Variants in MYCBP2 observed in about 807,000 individuals in gnomAD.
The protein encoded by MYCBP2 is MYC binding protein 2.
MYCBP2 carries 120 observed loss-of-function variants against 525.3 expected under a neutral mutation model. The observed-to-expected ratio is 0.23, with a 90% confidence interval of 0.20 to 0.27. The LOEUF is 0.27. Ranked by LOEUF, MYCBP2 falls within the 10% of genes least tolerant of loss-of-function variation. The pLI is 1.00. For synonymous variants in MYCBP2, 1,894 were observed against 1,955.8 expected, an observed-to-expected ratio of 0.97 and a Z score of 0.83; for missense variants, 4,149 against 5,657.1, an observed-to-expected ratio of 0.73 and a Z score of 8.55.
At chr13:77,199,617 A>G (rs2062213812) in intron 26 of MYCBP2, among the ~76,000 whole-genome samples, 1 of 152,232 alleles carries the variant, frequency 6.6e-6, no homozygotes, top group Non-Finnish European at 1.5e-5. Flanking sequence ...AGACAGCAGT[A>G]ACCTCTGCAG....
At chr13:77,221,797 T>G (rs1238521708) in intron 20 of MYCBP2, among the ~76,000 whole-genome samples, 2 of 152,168 alleles carry the variant, frequency 1.3e-5, no homozygotes, top group Non-Finnish European at 2.9e-5. Context: ...ACACAGGTTA[T>G]AGTCATCCCT....
chr13:77,219,993 G>A (rs2065323816), intron 20 of MYCBP2, among the ~76,000 whole-genome samples: 2 of 152,114 alleles, frequency 1.3e-5, no homozygotes, highest in East Asian at 3.8e-4. Flanking sequence ...TACACAACAG[G>A]AGGATTAATG....
chr13:77,141,357 T>G (rs1480020582), intron 49 of MYCBP2, among the ~76,000 whole-genome samples: 1 of 152,228 alleles, frequency 6.6e-6, no homozygotes, highest in Non-Finnish European at 1.5e-5. Flanking sequence ...TAGACTGCTT[T>G]GGTTACTCCA....
chr13:77,120,590 C>G (rs972340083), intron 55 of MYCBP2, among the ~76,000 whole-genome samples: 2 of 152,190 alleles, frequency 1.3e-5, no homozygotes, highest in African/African-American at 4.8e-5. Flanking sequence ...TTACTCATGA[C>G]CCAGCTGTAT....
intron 54 of MYCBP2, among the ~76,000 whole-genome samples, chr13:77,124,989 T>G (rs1466833681): frequency 2.6e-5 from 4 of 152,210 alleles, no homozygotes; most frequent in Non-Finnish European, 5.9e-5. Flanking sequence ...GATTGGTAGT[T>G]GGAATACCGA....
At chr13:77,152,981 A>C (rs2056707776) in intron 46 of MYCBP2, among the ~76,000 whole-genome samples, 1 of 145,302 alleles carries the variant, frequency 6.9e-6, no homozygotes, top group South Asian at 2.2e-4. Context: ...AGGAGAATGG[A>C]GTGAACCCAG....
At chr13:77,062,776 G>T in intron 73 of MYCBP2, 79 bp from the exon 74 acceptor site, 1 of 1,095,184 alleles carries the variant, frequency 9.1e-7, no homozygotes, top group Non-Finnish European at 1.4e-6. Flanking sequence ...CATCACAACA[G>T]CTCAATAAAT....
At chr13:77,243,666 C>A in intron 16 of MYCBP2, 140 bp downstream of exon 16, 1 of 649,548 alleles carries the variant, frequency 1.5e-6, no homozygotes, top group Non-Finnish European at 2.4e-6. Context: ...GTCATATTGT[C>A]AGTTACCGTA....
At chr13:77,138,775 C>T (rs186573902) in intron 52 of MYCBP2, among the ~76,000 whole-genome samples, 1 of 152,252 alleles carries the variant, frequency 6.6e-6, no homozygotes, top group East Asian at 1.9e-4. Flanking sequence ...ACAGAACACA[C>T]AGAACTATCT....
chr13:77,220,938 A>G (rs1389656586), intron 20 of MYCBP2, among the ~76,000 whole-genome samples: 1 of 152,186 alleles, frequency 6.6e-6, no homozygotes, highest in African/African-American at 2.4e-5. Flanking sequence ...TCTTTCAGTT[A>G]CCACTCAATG....
intron 19 of MYCBP2, among the ~76,000 whole-genome samples, 160 bp from the exon 20 acceptor site, chr13:77,224,692 T>C (rs2066017226): frequency 6.6e-6 from 1 of 152,204 alleles, no homozygotes; most frequent in Non-Finnish European, 1.5e-5. Context: ...AAATTAATTT[T>C]AGTTCTGAAA....
At position 77,168,416 on chromosome 13, in the gene MYCBP2, A is replaced by G; in HGVS notation, c.6114+12T>C. On this transcript the variant is annotated intron_variant, in intron 40 of 82. Coordinates refer to ENST00000544440, the MANE Select transcript of MYCBP2 (RefSeq NM_015057.5). ...GTTTTACATTCGAATCACACTAAGA[A>G]CCGGTGCCTACCTTGTAATGCATCA... is the stretch of plus-strand genomic sequence containing the variant. 6.2e-7 allele frequency: 1 copy of G among 1,611,420 alleles called. No homozygotes were observed.
intron 3 of MYCBP2, among the ~76,000 whole-genome samples, chr13:77,283,862 C>T (rs2076455701): frequency 6.6e-6 from 1 of 152,154 alleles, no homozygotes; most frequent in Admixed American, 6.5e-5. Context: ...CACGCCACTG[C>T]ACTCCAGCCC....
intron 1 of MYCBP2, among the ~76,000 whole-genome samples, chr13:77,307,791 C>T (rs1180402576): frequency 6.6e-6 from 1 of 152,062 alleles, no homozygotes; most frequent in Non-Finnish European, 1.5e-5. Flanking sequence ...CTCCTACATA[C>T]GATAACTACC....
At chr13:77,088,772 T>C (rs1294050785) in intron 61 of MYCBP2, 60 bp downstream of exon 61, 4 of 1,437,296 alleles carry the variant, frequency 2.8e-6, no homozygotes, top group Non-Finnish European at 3.8e-6. Flanking sequence ...CATCGTGAAA[T>C]AGAATCATCA....
At chr13:77,094,124 T>G (rs893664699) in intron 58 of MYCBP2, among the ~76,000 whole-genome samples, 2 of 152,164 alleles carry the variant, frequency 1.3e-5, no homozygotes, top group African/African-American at 4.8e-5. Flanking sequence ...TTTATTGTAA[T>G]AGTAAGCACA....
chr13:77,190,673 C>CA (rs1441451338), intron 28 of MYCBP2, among the ~76,000 whole-genome samples: 1 of 152,164 alleles, frequency 6.6e-6, no homozygotes, highest in African/African-American at 2.4e-5. Context: ...GCTTTAGCCT[C>CA]AGTGTGCCAT....
chr13:77,286,580 C>A (rs1392627436), intron 3 of MYCBP2, among the ~76,000 whole-genome samples: 1 of 148,730 alleles, frequency 6.7e-6, no homozygotes, highest in Non-Finnish European at 1.5e-5. Flanking sequence ...GGTGAAACCC[C>A]GTCTCTACTA....
chr13:77,228,094 T>C (rs1158894096), intron 18 of MYCBP2, among the ~76,000 whole-genome samples: 2 of 152,018 alleles, frequency 1.3e-5, no homozygotes, highest in African/African-American at 4.8e-5. Context: ...TATCAAAAAA[T>C]TGAGTATAAT....
Sources: allele counts gnomAD v4.1 joint callset (sites outside exome capture counted in the v4.1 genomes callset), GRCh38; gene constraint gnomAD v4.1.1; transcripts MANE v1.5; gene names NCBI Gene and HGNC (gene_info 2026-07-23, HGNC 2026-07-21).